The following WDR36 variants were observed in gnomAD, a reference collection of about 807,000 sequenced individuals.
WDR36 encodes WD repeat domain 36.
WDR36 carries 63 observed loss-of-function variants against 112.7 expected under a neutral mutation model. That is an observed-to-expected ratio of 0.56 (90% CI 0.46 to 0.69). WDR36 has a LOEUF of 0.69. Among genes scored for constraint, WDR36 ranks in the 30% least tolerant of loss-of-function variants. The pLI, the probability that WDR36 is intolerant of heterozygous loss-of-function variation, is 0.00. For missense variants in WDR36, 1,226 were observed against 1,070.3 expected (o/e 1.15, Z -2.03); for synonymous variants, 410 against 362.2 (o/e 1.13, Z -1.50).
Position 111,119,135 on chromosome 5 carries a change from A to T in WDR36, c.1904+15A>T. The T allele has an allele frequency of 1.3e-6, 2 of 1,583,122 alleles. No individual in the cohort carries two copies. The highest frequency in any genetic ancestry group is 1.7e-6 in the Non-Finnish European group (2 of 1,152,140). ...ATTTATCTATGGTAAGTTCTTTCATACAGTTCTGTTTTGGGATGAAGAAGA... is the reference window on the plus strand; with the variant it reads ...ATTTATCTATGGTAAGTTCTTTCATTCAGTTCTGTTTTGGGATGAAGAAGA... On this transcript the variant is annotated intron_variant, in intron 17 of 22. Coordinates refer to ENST00000513710, the MANE Select transcript of WDR36 (RefSeq NM_139281.3).
chr5:111,106,284 C>T, intron 11 of WDR36, 141 bp downstream of exon 11: 1 of 764,632 alleles, frequency 1.3e-6, no homozygotes, highest in South Asian at 1.5e-5. Context: ...GCATGCTGGT[C>T]TTGTGTGAAG....
At position 111,098,823 on chromosome 5, in the gene WDR36, G is replaced by T. The variant is rs1019846999; in HGVS notation, c.393G>T (p.Trp131Cys). ...ATACTGATGGCATTCTTATTATTTGGCACATATATTCAGAAGGTAAGAGTT... is the reference window on the plus strand; with the variant it reads ...ATACTGATGGCATTCTTATTATTTGTCACATATATTCAGAAGGTAAGAGTT... ...SVDTDGILII[W>C]HIYSEEEYLQ... Residue 131 changes from tryptophan (W) to cysteine (C), a missense_variant, in exon 4 of 23, where the codon TGG becomes TGT. Physicochemically the swap from Trp to Cys is radical, Grantham distance 215 (BLOSUM62 -2). Transcript: ENST00000513710. 6 of 1,602,170 alleles carry T rather than the reference G, an allele frequency of 3.7e-6. No homozygotes were observed. The highest frequency in any genetic ancestry group is 5.1e-6 in the Non-Finnish European group (6 of 1,169,696).
In WDR36 at chr5:111,098,852, T is replaced by A. The variant is rs376464359; in HGVS notation, c.409+13T>A. 6.6e-7 allele frequency: 1 copy of A among 1,505,974 alleles called. No homozygotes were observed. The highest frequency in any genetic ancestry group is 2.3e-5 in the East Asian group (1 of 44,256). 93.3% of individuals were successfully genotyped at this position (1,505,974 alleles called of 1,614,324 possible). On this transcript the variant is annotated intron_variant, in intron 4 of 22. Coordinates refer to ENST00000513710, the MANE Select transcript of WDR36 (RefSeq NM_139281.3). ...ATATATTCAGAAGGTAAGAGTTAAC[T>A]CATTTATTTGCTTTATCTTAGGGTA... is the stretch of plus-strand genomic sequence containing the variant.
At chr5:111,103,637 T>C (rs1406106573) in intron 6 of WDR36, 149 bp from the exon 7 acceptor site, 3 of 969,568 alleles carry the variant, frequency 3.1e-6, no homozygotes, top group South Asian at 3.3e-5. Context: ...AAAGTATGCT[T>C]GAATGGTAAT....
chr5:111,107,236 TAATA>T, intron 11 of WDR36, 54 bp from the exon 12 acceptor site: 2 of 1,564,620 alleles, frequency 1.3e-6, no homozygotes, highest in African/African-American at 1.4e-5. Flanking sequence ...GCCTAATAAG[TAATA>T]AATGAATAAC....
rs1380725694 is a variant in WDR36, at chr5:111,103,809, T to C, written c.621T>C (p.Ala207=). Residue 207 remains alanine (A), a synonymous_variant, in exon 7 of 23, where the codon GCT becomes GCC. Transcript: ENST00000513710. The part of the protein sequence containing the change: ...LQQAPAVDVV[A]IGLMSGQVII... ...AGGCACCAGCCGTGGATGTTGTTGC[T>C]ATTGGTCTTATGTCAGGTCAAGTTA... 1.2e-6 allele frequency: 2 copies of C among 1,611,276 alleles called. No individual in the cohort carries two copies. The highest frequency in any genetic ancestry group is 1.7e-5 in the Admixed American group (1 of 59,700).
intron 21 of WDR36, among the ~76,000 whole-genome samples, 171 bp downstream of exon 21, chr5:111,124,360 C>G (rs762981419): frequency 6.6e-6 from 1 of 151,848 alleles, no homozygotes; most frequent in Non-Finnish European, 1.5e-5. Context: ...TAAATAAGCC[C>G]ACTAAACTCA....
chr5:111,125,509 C>A, intron 21 of WDR36, 99 bp from the exon 22 acceptor site: 1 of 1,221,826 alleles, frequency 8.2e-7, no homozygotes, highest in Non-Finnish European at 1.1e-6. Flanking sequence ...ATTTCCTGTA[C>A]CATTTAAATA....
chr5:111,107,748 T>G lies in WDR36; in HGVS notation c.1326+309T>G, dbSNP rs1598728. ...ACTATTTGTTCAAAAGACTATTCTT[T>G]CTCCATTGAAAGATCTTGTTTCCTC... On this transcript the variant is annotated intron_variant, in intron 12 of 22. Coordinates refer to ENST00000513710, the MANE Select transcript of WDR36 (RefSeq NM_139281.3). 0.31 allele frequency among the ~76,000 whole-genome samples: 46,996 copies of G among 150,990 alleles called. 7,718 individuals are homozygous for G. The highest frequency in any genetic ancestry group is 0.47 in the Middle Eastern group (139 of 294).
chr5:111,117,864 G>A (rs377216815), intron 16 of WDR36, among the ~76,000 whole-genome samples: 7 of 152,142 alleles, frequency 4.6e-5, no homozygotes, highest in East Asian at 1.9e-4. Flanking sequence ...AGCTATTCTC[G>A]CTTTTAGCCA....
Position 111,120,810 on chromosome 5 carries a change from C to T in WDR36, c.2003-186C>T, listed in dbSNP as rs17554123. Among the ~76,000 whole-genome samples, 13,581 of 151,850 alleles carry T rather than the reference C, an allele frequency of 0.089. 641 individuals carry two copies. The highest frequency in any genetic ancestry group is 0.23 in the South Asian group (1,123 of 4,814). ...TACCATTGAAGAAGGTGTTTTGGGT[C>T]TAGTGATGGGAGTTTTAGTTAATAT... On this transcript the variant is annotated intron_variant, in intron 18 of 22. Transcript: ENST00000513710.
chr5:111,127,762 T>TACTGAC lies in WDR36; in HGVS notation c.*884_*889dup, dbSNP rs1753702278. ...CAAATTCCATTGGAAGATGGCCTTT[T>TACTGAC]ACTGACACTGCAGACATGTAGATAA... On this transcript the variant is annotated 3_prime_UTR_variant, in exon 23 of 23. Transcript: ENST00000513710. The TACTGAC allele has an allele frequency of 4.7e-6, 1 of 210,720 alleles. No homozygotes were observed. Among genetic ancestry groups the TACTGAC allele is most frequent in the Non-Finnish European group, 9.6e-6 (1 of 103,804 alleles). 13.1% of individuals were successfully genotyped at this position (210,720 alleles called of 1,614,324 possible).
intron 1 of WDR36, 56 bp from the exon 2 acceptor site, chr5:111,094,864 G>A (rs1171368649): frequency 4.3e-6 from 6 of 1,397,420 alleles, no homozygotes; most frequent in Non-Finnish European, 6.0e-6. Context: ...TCAGGTGTTA[G>A]GTTATTATGA....
chr5:111,120,326 T>C (rs1753539723), intron 17 of WDR36, among the ~76,000 whole-genome samples, 170 bp from the exon 18 acceptor site: 1 of 152,204 alleles, frequency 6.6e-6, no homozygotes, highest in South Asian at 2.1e-4. Flanking sequence ...ACAGCTTTGT[T>C]ATGATGGCAT....
At chr5:111,108,681 C>T (rs1753266655) in intron 12 of WDR36, among the ~76,000 whole-genome samples, 2 of 151,282 alleles carry the variant, frequency 1.3e-5, no homozygotes, top group South Asian at 4.1e-4. Flanking sequence ...TCATATTTTC[C>T]TTACAACAGT....
rs776976101 is a variant in WDR36, at chr5:111,126,891, T to C, written c.*8T>C. 6.3e-7 allele frequency: 1 copy of C among 1,588,856 alleles called. No individual in the cohort carries two copies. The highest frequency in any genetic ancestry group is 8.6e-7 in the Non-Finnish European group (1 of 1,166,512). On this transcript the variant is annotated 3_prime_UTR_variant, in exon 23 of 23. Transcript: ENST00000513710. ...AAAAGTGCTTTGTTGTAAAAATAAA[T>C]TTGTGACTAAACAAAGACTTTCATA...
Position 111,125,699 on chromosome 5 carries a change from A to G in WDR36, c.2442A>G (p.Ile814Met), listed in dbSNP as rs749998320. Residue 814 changes from isoleucine to methionine, a missense_variant, in exon 22 of 23, where the codon ATA (isoleucine) becomes ATG (methionine). Coordinates refer to ENST00000513710, the MANE Select transcript of WDR36 (RefSeq NM_139281.3). Reference protein sequence around the residue: ...RSLSPDCGGSIEVMQSFLKMI... With the variant: ...RSLSPDCGGSMEVMQSFLKMI... The stretch of plus-strand genomic sequence containing the variant: ...TGTCTCCTGATTGTGGTGGGTCCAT[A>G]GAAGTTATGCAGAGCTTCTTGAAAA... 1 of 1,613,970 alleles carries G rather than the reference A, an allele frequency of 6.2e-7. No homozygotes were observed. The highest frequency in any genetic ancestry group is 1.7e-5 in the Admixed American group (1 of 60,016).
rs1423038986 is a variant in WDR36, at chr5:111,128,476, A to G, written c.*1593A>G. On this transcript the variant is annotated 3_prime_UTR_variant, in exon 23 of 23. Coordinates refer to ENST00000513710, the MANE Select transcript of WDR36 (RefSeq NM_139281.3). Reference sequence around the variant, plus strand: ...GACTTAAGTTCTAATTTAAAAAACTATTTTCCTCTTTCCTAAATACTATAT... The same window carrying G: ...GACTTAAGTTCTAATTTAAAAAACTGTTTTCCTCTTTCCTAAATACTATAT... 1.7e-5 allele frequency: 3 copies of G among 180,516 alleles called. No homozygotes were observed. The highest frequency in any genetic ancestry group is 6.3e-5 in the Admixed American group (1 of 15,914). The allele number at this position is 180,516 out of a possible 1,614,324, so 11.2% of individuals were successfully genotyped here. A position where few individuals can be genotyped will look rare whatever the true frequency, so the allele number is the denominator to read the frequency against.
intron 13 of WDR36, 59 bp from the exon 14 acceptor site, chr5:111,110,729 G>A (rs761069406): frequency 3.2e-5 from 50 of 1,547,470 alleles, no homozygotes; most frequent in Non-Finnish European, 4.3e-5. Flanking sequence ...TGTGTGTATT[G>A]TTCAGAGAGA....
Sources: allele counts gnomAD v4.1 joint callset (sites outside exome capture counted in the v4.1 genomes callset), GRCh38; gene constraint gnomAD v4.1.1; transcripts MANE v1.5; gene names NCBI Gene and HGNC (gene_info 2026-07-23, HGNC 2026-07-21).